The following ZNF618 variants were observed in gnomAD, a reference collection of about 807,000 sequenced individuals.
ZNF618 encodes the protein zinc finger protein 618.
A neutral mutation model predicts 103.0 loss-of-function variants in ZNF618; 34 were observed. That is an observed-to-expected ratio of 0.33 (90% CI 0.25 to 0.44). The LOEUF is 0.44. Ranked by LOEUF, ZNF618 falls within the 20% of genes least tolerant of loss-of-function variation. The pLI, the probability that ZNF618 is intolerant of heterozygous loss-of-function variation, is 1.00. For missense variants in ZNF618, 1,059 were observed against 1,295.4 expected, an observed-to-expected ratio of 0.82 and a Z score of 2.80; for synonymous variants, 551 against 542.2, an observed-to-expected ratio of 1.02 and a Z score of -0.23.
intron 1 of ZNF618, among the ~76,000 whole-genome samples, chr9:113,939,931 C>G (rs1196779308): frequency 6.6e-6 from 1 of 151,890 alleles, no homozygotes; most frequent in African/African-American, 2.4e-5. Flanking sequence ...TGTTTAATAT[C>G]AAGTGTTTCG....
chr9:113,989,666 C>T (rs1040457781), intron 3 of ZNF618, among the ~76,000 whole-genome samples: 4 of 152,238 alleles, frequency 2.6e-5, no homozygotes, highest in African/African-American at 9.6e-5. Context: ...TACTGACTTC[C>T]AAGCACCTCC....
intron 3 of ZNF618, among the ~76,000 whole-genome samples, chr9:113,991,920 C>G (rs1463649993): frequency 6.6e-6 from 1 of 152,180 alleles, no homozygotes; most frequent in Non-Finnish European, 1.5e-5. Context: ...CAGAGTGCTC[C>G]CTGCTGTCAC....
chr9:113,892,248 G>A (rs913501107), intron 1 of ZNF618, among the ~76,000 whole-genome samples: 2 of 152,060 alleles, frequency 1.3e-5, no homozygotes, highest in African/African-American at 4.8e-5. Context: ...GCCATCAAAT[G>A]GTGTATTTGC....
intron 1 of ZNF618, among the ~76,000 whole-genome samples, chr9:113,964,486 G>A (rs814697): frequency 1.7e-4 from 25 of 151,266 alleles, no homozygotes; most frequent in Admixed American, 5.9e-4. Context: ...CACCCTCACC[G>A]CTTCCCGGGC....
At chr9:114,001,589 G>A (rs1169676519) in intron 4 of ZNF618, among the ~76,000 whole-genome samples, 1 of 152,224 alleles carries the variant, frequency 6.6e-6, no homozygotes, top group Admixed American at 6.5e-5. Flanking sequence ...TCCCATTCCG[G>A]CAAGGAAAAG....
intron 2 of ZNF618, among the ~76,000 whole-genome samples, chr9:113,977,398 G>A (rs1409962515): frequency 1.3e-5 from 2 of 152,214 alleles, no homozygotes; most frequent in African/African-American, 2.4e-5. Context: ...CAGAGGGAGT[G>A]TGTTTATCCT....
chr9:114,008,878 C>T (rs992194120), intron 9 of ZNF618, among the ~76,000 whole-genome samples: 2 of 152,194 alleles, frequency 1.3e-5, no homozygotes, highest in African/African-American at 2.4e-5. Flanking sequence ...GATGACATTT[C>T]CCCACAGGTT....
In ZNF618 at chr9:113,988,534, C is replaced by G. The variant is rs369481086; in HGVS notation, c.291C>G (p.Ala97=). ...VSKDGTSDVP[A]EICVVIGGVR... Reference sequence around the variant, plus strand: ...AGGATGGGACCAGCGACGTGCCTGCCGAGATCTGCGTGGTGATCGGCGGCG... The same window carrying G: ...AGGATGGGACCAGCGACGTGCCTGCGGAGATCTGCGTGGTGATCGGCGGCG... The change falls in exon 3 of 15, where the codon GCC becomes GCG. Residue 97 remains alanine (A), a synonymous_variant. Coordinates refer to ENST00000374126, the MANE Select transcript of ZNF618 (RefSeq NM_001318042.2). 3 of 1,612,126 alleles carry G rather than the reference C, an allele frequency of 1.9e-6. No individual in the cohort carries two copies. The highest frequency in any genetic ancestry group is 1.7e-5 in the Admixed American group (1 of 59,948).
intron 1 of ZNF618, among the ~76,000 whole-genome samples, chr9:113,876,766 C>G (rs1409652660): frequency 6.6e-6 from 1 of 151,060 alleles, no homozygotes; most frequent in African/African-American, 2.4e-5. Context: ...CAGCTCTGCC[C>G]CCTCCCCCCC....
At chr9:113,981,334 G>GC (rs1838956694) in intron 2 of ZNF618, among the ~76,000 whole-genome samples, 1 of 152,156 alleles carries the variant, frequency 6.6e-6, no homozygotes, top group Admixed American at 6.5e-5. Flanking sequence ...TGTACGCCTT[G>GC]CTCCCCCTCT....
intron 3 of ZNF618, among the ~76,000 whole-genome samples, chr9:113,991,550 A>G (rs941265346): frequency 6.6e-5 from 10 of 152,254 alleles, no homozygotes; most frequent in African/African-American, 2.4e-4. Context: ...TCTCAGTACT[A>G]CTAATATTAA....
chr9:114,026,597 C>A (rs1349220006), intron 10 of ZNF618, among the ~76,000 whole-genome samples: 1 of 152,210 alleles, frequency 6.6e-6, no homozygotes, highest in Admixed American at 6.5e-5. Context: ...GGCCTTGTGC[C>A]AAAGGCCTCC....
intron 1 of ZNF618, among the ~76,000 whole-genome samples, chr9:113,877,768 A>G (rs944017565): frequency 6.6e-6 from 1 of 152,016 alleles, no homozygotes; most frequent in African/African-American, 2.4e-5. Flanking sequence ...AATGTCAGGA[A>G]CCTTTTTTGA....
At chr9:113,955,634 C>G (rs1836210204) in intron 1 of ZNF618, among the ~76,000 whole-genome samples, 1 of 151,606 alleles carries the variant, frequency 6.6e-6, no homozygotes, top group South Asian at 2.1e-4. Context: ...TGTAAGATTT[C>G]TACTTTGAGT....
intron 1 of ZNF618, among the ~76,000 whole-genome samples, chr9:113,904,604 G>C (rs777431926): frequency 2.0e-5 from 3 of 152,146 alleles, no homozygotes; most frequent in Non-Finnish European, 4.4e-5. Flanking sequence ...CACACACTTA[G>C]TTGCCTAAAA....
intron 1 of ZNF618, among the ~76,000 whole-genome samples, chr9:113,893,386 G>C (rs1564137504): frequency 6.6e-6 from 1 of 152,122 alleles, no homozygotes. Flanking sequence ...GCTAATATTT[G>C]TTTTAATAAG....
chr9:113,877,812 A>G (rs1425754680), intron 1 of ZNF618, among the ~76,000 whole-genome samples: 4 of 152,146 alleles, frequency 2.6e-5, no homozygotes, highest in Non-Finnish European at 5.9e-5. Context: ...AAATTCATAC[A>G]TTATACAAAT....
At chr9:113,894,390 C>T (rs1217353037) in intron 1 of ZNF618, among the ~76,000 whole-genome samples, 3 of 152,158 alleles carry the variant, frequency 2.0e-5, no homozygotes, top group African/African-American at 4.8e-5. Context: ...TTGTTCACAG[C>T]CTTCTGGAAT....
At chr9:114,037,057 A>G (rs1038620279) in intron 13 of ZNF618, among the ~76,000 whole-genome samples, 9 of 152,348 alleles carry the variant, frequency 5.9e-5, no homozygotes, top group African/African-American at 2.2e-4. Context: ...AGGTGCAGTC[A>G]TCTGCTCTCT....
Sources: allele counts gnomAD v4.1 joint callset (sites outside exome capture counted in the v4.1 genomes callset), GRCh38; gene constraint gnomAD v4.1.1; transcripts MANE v1.5; gene names NCBI Gene and HGNC (gene_info 2026-07-23, HGNC 2026-07-21).